The following PTPRR variants were observed in gnomAD, a reference collection of about 807,000 sequenced individuals.
The protein encoded by PTPRR is receptor-type tyrosine-protein phosphatase R.
Under a neutral mutation model 77.2 loss-of-function variants are expected in PTPRR, and 38 were observed. The ratio of observed to expected loss-of-function variants is 0.49; its 90% CI spans 0.38 to 0.65. The LOEUF is 0.65. PTPRR is among the 30% of genes least tolerant of loss of function. The pLI, the probability that PTPRR is intolerant of heterozygous loss-of-function variation, is 0.00. For missense variants in PTPRR, 744 were observed against 799.2 expected, an observed-to-expected ratio of 0.93 and a Z score of 0.83; for synonymous variants, 299 against 283.1, an observed-to-expected ratio of 1.06 and a Z score of -0.57.
At chr12:70,856,303 G>A (rs1565719792) in intron 2 of PTPRR, among the ~76,000 whole-genome samples, 1 of 152,140 alleles carries the variant, frequency 6.6e-6, no homozygotes, top group African/African-American at 2.4e-5. Flanking sequence ...GAAGGTGTGT[G>A]AAACAAGTAA....
Position 70,746,223 on chromosome 12 carries a change from T to C in PTPRR, c.739-137A>G, listed in dbSNP as rs563739926. 5.4e-5 allele frequency: 44 copies of C among 813,316 alleles called. No homozygotes were observed. In the African/African-American group the frequency reaches 7.3e-4, roughly 13 times the overall value. The allele number at this position is 813,316 out of a possible 1,614,324, so 50.4% of individuals were successfully genotyped here. A position where few individuals can be genotyped will look rare whatever the true frequency, so the allele number is the denominator to read the frequency against. ...GTAAACAAAGCCCTCTGAGAGATGA[T>C]TTCTCAGTTTCATGGTATTGAGATT... On this transcript the variant is annotated intron_variant, in intron 5 of 13. Transcript: ENST00000283228.
At chr12:70,681,283 G>C (rs1887648439) in intron 10 of PTPRR, among the ~76,000 whole-genome samples, 1 of 152,154 alleles carries the variant, frequency 6.6e-6, no homozygotes, top group Non-Finnish European at 1.5e-5. Flanking sequence ...TTTCAAAATG[G>C]CATCATATAG....
rs996869998 is a variant in PTPRR, at chr12:70,788,821, T to C, written c.358-24043A>G. 1.8e-5 allele frequency: 27 copies of C among 1,521,996 alleles called. 1 individual carries two copies. Among genetic ancestry groups the C allele is most frequent in the Non-Finnish European group, 2.0e-5 (23 of 1,136,500 alleles). 94.3% of individuals were successfully genotyped at this position (1,521,996 alleles called of 1,614,324 possible). A position where few individuals can be genotyped will look rare whatever the true frequency, so the allele number is the denominator to read the frequency against. On this transcript the variant is annotated intron_variant, in intron 2 of 13. Transcript: ENST00000283228. ...ATCATGAGAGATTATCTCACCTGTT[T>C]GGAAATTGACTGCATGTTGTGATGA...
chr12:70,905,522 A>G (rs1420645930), intron 1 of PTPRR, among the ~76,000 whole-genome samples: 1 of 151,974 alleles, frequency 6.6e-6, no homozygotes, highest in African/African-American at 2.4e-5. Context: ...CATTTACATG[A>G]AAATAACCAG....
At chr12:70,810,110 C>A (rs1423033889) in intron 2 of PTPRR, among the ~76,000 whole-genome samples, 3 of 152,188 alleles carry the variant, frequency 2.0e-5, no homozygotes, top group African/African-American at 7.2e-5. Flanking sequence ...CTATTTATCA[C>A]TCCTCATTTG....
chr12:70,737,686 A>C (rs1889917646), intron 6 of PTPRR, among the ~76,000 whole-genome samples: 1 of 152,018 alleles, frequency 6.6e-6, no homozygotes, highest in South Asian at 2.1e-4. Flanking sequence ...TGCCTGGCTA[A>C]TTTGTTAAAA....
At chr12:70,745,704 A>G in intron 6 of PTPRR, 114 bp downstream of exon 6, 2 of 1,199,886 alleles carry the variant, frequency 1.7e-6, no homozygotes, top group South Asian at 3.0e-5. Context: ...CTGTCCATTT[A>G]GTGGTGAACA....
chr12:70,882,201 C>T (rs1893160418), intron 2 of PTPRR, among the ~76,000 whole-genome samples: 1 of 152,180 alleles, frequency 6.6e-6, no homozygotes, highest in Admixed American at 6.5e-5. Flanking sequence ...AAGAGATCTC[C>T]AAATCTAGAA....
At chr12:70,666,405 ATC>A (rs1477366167) in intron 10 of PTPRR, among the ~76,000 whole-genome samples, 1 of 151,254 alleles carries the variant, frequency 6.6e-6, no homozygotes, top group Non-Finnish European at 1.5e-5. Context: ...CCATCTTTTG[ATC>A]TCTGTGTTCC....
intron 4 of PTPRR, 33 bp downstream of exon 4, chr12:70,761,438 T>G: frequency 6.6e-7 from 1 of 1,519,564 alleles, no homozygotes; most frequent in Non-Finnish European, 8.9e-7. Flanking sequence ...ACTGTTCACA[T>G]TTTTAAATGA....
At chr12:70,796,260 T>C (rs1891512346) in intron 2 of PTPRR, among the ~76,000 whole-genome samples, 2 of 152,128 alleles carry the variant, frequency 1.3e-5, no homozygotes, top group African/African-American at 4.8e-5. Context: ...TAATCTGTCT[T>C]CCATTTCATT....
At chr12:70,762,022 AT>A (rs1890702994) in intron 3 of PTPRR, among the ~76,000 whole-genome samples, 1 of 152,220 alleles carries the variant, frequency 6.6e-6, no homozygotes, top group African/African-American at 2.4e-5. Context: ...AAAATTACAT[AT>A]TAGACATCAC....
chr12:70,809,713 T>A (rs1891775400), intron 2 of PTPRR, among the ~76,000 whole-genome samples: 1 of 152,212 alleles, frequency 6.6e-6, no homozygotes, highest in Non-Finnish European at 1.5e-5. Context: ...TTTTTGTTGA[T>A]GAACTTTGAA....
At chr12:70,858,954 C>CTT (rs35314579) in intron 2 of PTPRR, among the ~76,000 whole-genome samples, 285 of 138,036 alleles carry the variant, frequency 2.1e-3, no homozygotes, top group Non-Finnish European at 2.2e-3. Flanking sequence ...GCATTTCGCC[C>CTT]TTTTTTTTTT....
chr12:70,868,161 G>C (rs758122610), intron 2 of PTPRR, among the ~76,000 whole-genome samples: 1 of 152,124 alleles, frequency 6.6e-6, no homozygotes, highest in Non-Finnish European at 1.5e-5. Context: ...AAAAAGCAAT[G>C]GCAATAAAAG....
intron 2 of PTPRR, among the ~76,000 whole-genome samples, chr12:70,801,497 T>A (rs998796766): frequency 6.6e-6 from 1 of 152,234 alleles, no homozygotes; most frequent in African/African-American, 2.4e-5. Context: ...TCTGCCTGAC[T>A]GAGTAGGTAC....
intron 2 of PTPRR, among the ~76,000 whole-genome samples, chr12:70,868,487 A>C (rs990714852): frequency 6.6e-6 from 1 of 152,206 alleles, no homozygotes; most frequent in Non-Finnish European, 1.5e-5. Flanking sequence ...CCACAATGAG[A>C]TACCATCTCA....
At chr12:70,643,459 G>A (rs1886083492) in intron 13 of PTPRR, among the ~76,000 whole-genome samples, 1 of 152,080 alleles carries the variant, frequency 6.6e-6, no homozygotes, top group African/African-American at 2.4e-5. Flanking sequence ...ACAGGCATGA[G>A]CCACCATGCC....
intron 6 of PTPRR, among the ~76,000 whole-genome samples, chr12:70,730,957 AAGAG>A (rs1254482623): frequency 6.7e-6 from 1 of 149,252 alleles, no homozygotes; most frequent in South Asian, 2.2e-4. Flanking sequence ...AGAGAGAGGA[AAGAG>A]AGAGGAAGTG....
Sources: allele counts gnomAD v4.1 joint callset (sites outside exome capture counted in the v4.1 genomes callset), GRCh38; gene constraint gnomAD v4.1.1; transcripts MANE v1.5; gene names NCBI Gene and HGNC (gene_info 2026-07-23, HGNC 2026-07-21).